Variants in VPS37B observed in about 807,000 individuals in gnomAD.
VPS37B encodes vacuolar protein sorting-associated protein 37B.
In VPS37B, 11 loss-of-function variants were observed where a neutral mutation model predicts 21.2. The ratio of observed to expected loss-of-function variants is 0.52; its 90% CI spans 0.33 to 0.86. VPS37B has a LOEUF of 0.86. Among genes scored for constraint, VPS37B ranks in the 40% least tolerant of loss-of-function variants. The probability of loss-of-function intolerance (pLI) is 0.03; values close to 1 mark genes in which losing one functional copy is unlikely to be tolerated. For missense variants in VPS37B, 389 were observed against 374.8 expected (o/e 1.04, Z -0.31); for synonymous variants, 175 against 159.6 (o/e 1.10, Z -0.73).
chr12:122,878,633 CTTTTTTTTTTTTT>C (rs34296385), intron 1 of VPS37B: 1 of 83,720 alleles, frequency 1.2e-5, no homozygotes, highest in African/African-American at 5.0e-5. Context: ...GACAAGAGTC[CTTTTTTTTTTTTT>C]TTTTTTTTTT....
intron 1 of VPS37B, chr12:122,889,927 C>G (rs977204436): frequency 6.6e-6 from 1 of 152,242 alleles, no homozygotes; most frequent in East Asian, 1.9e-4. Context: ...GTCGGACAAC[C>G]CATCCCTGCT....
At chr12:122,881,905 A>T (rs1355079348) in intron 1 of VPS37B, 1 of 152,232 alleles carries the variant, frequency 6.6e-6, no homozygotes, top group Non-Finnish European at 1.5e-5. Flanking sequence ...GACAATTAGC[A>T]ACATTTGCCA....
intron 1 of VPS37B, chr12:122,876,862 G>A (rs2034159445): frequency 2.0e-5 from 3 of 152,248 alleles, no homozygotes; most frequent in Admixed American, 2.0e-4. Flanking sequence ...CTGCTACAAA[G>A]GAGAGGCACG....
At chr12:122,884,117 A>G (rs2034289033) in intron 1 of VPS37B, 1 of 152,260 alleles carries the variant, frequency 6.6e-6, no homozygotes, top group Non-Finnish European at 1.5e-5. Flanking sequence ...CCACATCATC[A>G]GAACCAGTTA....
Position 122,868,096 on chromosome 12 carries a change from AT to A in VPS37B, c.366+383del, listed in dbSNP as rs1259397938. ...ACTGCACAACATTCGACCTTGACTC[AT>A]TTCCTTATCGCCTGGCGAGGCTCAA... is the stretch of plus-strand genomic sequence containing the variant. On this transcript the variant is annotated intron_variant, in intron 3 of 3. Transcript: ENST00000267202. This position sits in a 1 kb window ranked among gnomAD's most constrained non-coding sequence, Gnocchi z 5.5. Among the ~76,000 whole-genome samples the A allele has an allele frequency of 6.6e-6, 1 of 152,184 alleles. No homozygotes were observed. The highest frequency in any genetic ancestry group is 2.4e-5 in the African/African-American group (1 of 41,428).
chr12:122,884,604 C>G (rs1392047715), intron 1 of VPS37B: 2 of 152,000 alleles, frequency 1.3e-5, no homozygotes, highest in Non-Finnish European at 2.9e-5. Flanking sequence ...GTCCAGATAC[C>G]TAGTCATGAC....
At chr12:122,894,207 GA>G (rs949206604) in intron 1 of VPS37B, among the ~76,000 whole-genome samples, 9 of 152,144 alleles carry the variant, frequency 5.9e-5, no homozygotes, top group South Asian at 2.1e-4. Context: ...TTTTTCTTTG[GA>G]GACATGAAAC....
chr12:122,895,528 G>A (rs2034479710), intron 1 of VPS37B, among the ~76,000 whole-genome samples: 1 of 150,024 alleles, frequency 6.7e-6, no homozygotes, highest in South Asian at 2.1e-4. Context: ...CCCCAGTTCC[G>A]TCCTCTTCCG....
At position 122,872,621 on chromosome 12, in the gene VPS37B, C is replaced by T. The variant is rs146532477; in HGVS notation, c.112-1560G>A. ...CACCCACAGGGCGGCTCTCCATGGG[C>T]TTTCTATGCCAGGCCATGCAGAAGC... On this transcript the variant is annotated intron_variant, in intron 1 of 3. Coordinates refer to ENST00000267202, the MANE Select transcript of VPS37B (RefSeq NM_024667.3). The T allele has an allele frequency of 2.1e-4, 204 of 985,344 alleles. No individual in the cohort carries two copies. The East Asian group carries it at 7.0e-3, about 34-fold the overall frequency. 61.0% of individuals were successfully genotyped at this position (985,344 alleles called of 1,614,324 possible). A position where few individuals can be genotyped will look rare whatever the true frequency, so the allele number is the denominator to read the frequency against.
At chr12:122,872,165 T>C (rs1189645582) in intron 1 of VPS37B, 2 of 985,362 alleles carry the variant, frequency 2.0e-6, no homozygotes, top group African/African-American at 1.7e-5. Flanking sequence ...CCCCCAGTCA[T>C]ACCCGTTGAT....
At chr12:122,892,405 G>A (rs568607891) in intron 1 of VPS37B, among the ~76,000 whole-genome samples, 1 of 151,946 alleles carries the variant, frequency 6.6e-6, no homozygotes, top group African/African-American at 2.4e-5. Context: ...AACAGTGAAT[G>A]CCTTCAAAAC....
At position 122,871,215 on chromosome 12, in the gene VPS37B, G is replaced by A. The variant is rs544410858; in HGVS notation, c.112-154C>T. On this transcript the variant is annotated intron_variant, in intron 1 of 3. Transcript: ENST00000267202. ...ATGCCAGGCAGATGCTACTGACCCA[G>A]AGCCAAGCCCCTTGGTTTCTCATTT... 3.4e-5 allele frequency: 47 copies of A among 1,397,120 alleles called. 1 individual carries two copies. In the Admixed American group the frequency reaches 9.9e-4, roughly 29 times the overall value. The allele number at this position is 1,397,120 out of a possible 1,614,324, so 86.5% of individuals were successfully genotyped here.
chr12:122,870,977 G>A lies in VPS37B; in HGVS notation c.196C>T (p.Leu66=). 1 of 1,614,220 alleles carries A rather than the reference G, an allele frequency of 6.2e-7. No homozygotes were observed. Among genetic ancestry groups the A allele is most frequent in the South Asian group, 1.1e-5 (1 of 91,088 alleles). ...GTCAAGCGTGCTTTCAACGTGTCCAGCTGGGGCTGGTACAAAAGGTTTCCT... is the reference window on the plus strand; with the variant it reads ...GTCAAGCGTGCTTTCAACGTGTCCAACTGGGGCTGGTACAAAAGGTTTCCT... The part of the protein sequence containing the change: ...AEGNLLYQPQ[L]DTLKARLTQK... The change falls in exon 2 of 4, where the codon CTG becomes TTG. Residue 66 remains leucine (L), a synonymous_variant. Coordinates refer to ENST00000267202, the MANE Select transcript of VPS37B (RefSeq NM_024667.3).
At chr12:122,875,949 A>G (rs914407577) in intron 1 of VPS37B, 1 of 152,120 alleles carries the variant, frequency 6.6e-6, no homozygotes, top group Non-Finnish European at 1.5e-5. Flanking sequence ...CCTCTTGATC[A>G]TTCTCATGAT....
At chr12:122,889,046 C>T (rs985118353) in intron 1 of VPS37B, 3 of 160,686 alleles carry the variant, frequency 1.9e-5, no homozygotes, top group African/African-American at 7.2e-5. Context: ...CCGGTTATCA[C>T]CACTCACTCA....
intron 1 of VPS37B, among the ~76,000 whole-genome samples, chr12:122,890,814 CTTGTA>C (rs1320086561): frequency 6.6e-6 from 1 of 152,194 alleles, no homozygotes; most frequent in South Asian, 2.1e-4. Context: ...CCTATTCCCT[CTTGTA>C]TTGTAGACAT....
chr12:122,874,008 G>A (rs973288730), intron 1 of VPS37B: 3 of 152,200 alleles, frequency 2.0e-5, no homozygotes, highest in Admixed American at 6.5e-5. Flanking sequence ...TGAGAGCTAA[G>A]TGCCTCCAAT....
rs754266578 is a variant in VPS37B at position 122,867,335 on chromosome 12, C to G, written c.639G>C (p.Pro213=). ...GGGTGGCTAAGCGTCCCGCAGGCAC[C>G]GGGGGTGGTGGGGGGGGGATGCGCC... The part of the protein sequence containing the change: ...APRRIPPPPP[P]VPAGRLATPF... Residue 213 remains proline (P), a synonymous_variant, in exon 4 of 4, where the codon CCG becomes CCC. Coordinates refer to ENST00000267202, the MANE Select transcript of VPS37B (RefSeq NM_024667.3). This position sits in a 1 kb window ranked among gnomAD's most constrained non-coding sequence, Gnocchi z 5.5. 26 of 386,130 alleles carry G rather than the reference C, an allele frequency of 6.7e-5. No individual in the cohort carries two copies. Among genetic ancestry groups the G allele is most frequent in the Non-Finnish European group, 1.2e-4 (24 of 205,286 alleles). 23.9% of individuals were successfully genotyped at this position (386,130 alleles called of 1,614,324 possible).
chr12:122,887,101 CA>C lies in VPS37B; in HGVS notation c.111+8850del, dbSNP rs2034340898. The C allele has an allele frequency of 3.9e-5, 6 of 152,288 alleles. No homozygotes were observed. In the South Asian group the frequency reaches 1.2e-3, roughly 32 times the overall value. 9.4% of individuals were successfully genotyped at this position (152,288 alleles called of 1,614,324 possible). A position where few individuals can be genotyped will look rare whatever the true frequency, so the allele number is the denominator to read the frequency against. ...ACTAAGTGATTATTTGAACTGTGTG[CA>C]AAAGCAAGACTCAACAGGCTCTGCT... On this transcript the variant is annotated intron_variant, in intron 1 of 3. Transcript: ENST00000267202.
Sources: gnomAD v4.1 joint callset for allele counts (sites outside exome capture counted in the v4.1 genomes callset) on GRCh38, gnomAD v4.1.1 for gene constraint, Gnocchi (gnomAD v3.1) non-coding constraint, MANE v1.5 for transcripts, NCBI Gene and HGNC (gene_info 2026-07-23, HGNC 2026-07-21) for gene names.